The following PREP variants were observed in gnomAD, a reference collection of about 807,000 sequenced individuals.
The protein encoded by PREP is prolyl endopeptidase, also known as dJ355L5.1 (prolyl endopeptidase).
In PREP, 29 loss-of-function variants were observed where a neutral mutation model predicts 87.6. The observed-to-expected ratio is 0.33, with a 90% confidence interval of 0.25 to 0.45. PREP has a LOEUF of 0.45. Among genes scored for constraint, PREP ranks in the 20% least tolerant of loss-of-function variants. The pLI, the probability that PREP is intolerant of heterozygous loss-of-function variation, is 1.00. For synonymous variants in PREP, 337 were observed against 328.6 expected (o/e 1.03, Z -0.28); for missense variants, 695 against 886.5 (o/e 0.78, Z 2.74).
chr6:105,322,759 T>A lies in PREP; in HGVS notation c.1317+906A>T. 3 of 1,048,848 alleles carry A rather than the reference T, an allele frequency of 2.9e-6. No homozygotes were observed. The South Asian group carries it at 1.0e-4, about 36-fold the overall frequency. The allele number at this position is 1,048,848 out of a possible 1,614,324, so 65.0% of individuals were successfully genotyped here. On this transcript the variant is annotated intron_variant, in intron 10 of 14. Coordinates refer to ENST00000652536, the MANE Select transcript of PREP (RefSeq NM_002726.5). The stretch of plus-strand genomic sequence containing the variant: ...TGATAAATCATAGCTCTACACCAAA[T>A]CCAGCCCACCACCTGTTTTAGTAAA...
chr6:105,315,462 TGCCCAGCTAATTTA>T (rs1770842441), intron 10 of PREP, among the ~76,000 whole-genome samples: 1 of 152,210 alleles, frequency 6.6e-6, no homozygotes, highest in South Asian at 2.1e-4. Flanking sequence ...TGAGTCACTG[TGCCCAGCTAATTTA>T]GCACAATTCT....
intron 6 of PREP, among the ~76,000 whole-genome samples, chr6:105,356,759 A>G (rs1169176344): frequency 6.6e-6 from 1 of 152,216 alleles, no homozygotes; most frequent in Non-Finnish European, 1.5e-5. Context: ...TATTTTGCAT[A>G]GTTTCCTAGC....
intron 10 of PREP, among the ~76,000 whole-genome samples, chr6:105,303,216 C>T (rs1770581963): frequency 6.6e-6 from 1 of 152,082 alleles, no homozygotes; most frequent in South Asian, 2.1e-4. Context: ...AGGCATGCAC[C>T]ACCACATGCA....
At chr6:105,308,107 T>C (rs1472067894) in intron 10 of PREP, among the ~76,000 whole-genome samples, 1 of 151,948 alleles carries the variant, frequency 6.6e-6, no homozygotes, top group East Asian at 1.9e-4. Flanking sequence ...GAAGAAAACA[T>C]GCACATAAAC....
chr6:105,278,249 G>A lies in PREP; in HGVS notation c.2028C>T (p.Thr676=). ...GCTTCCCCGCCCCGTGGCCCGCCTT[G>A]GTGTCCACGTGGATAAGCAGGGGGT... The part of the protein sequence containing the change: ...QSNPLLIHVD[T]KAGHGAGKPT... Residue 676 remains threonine (T), a synonymous_variant, in exon 15 of 15, where the codon ACC becomes ACT. Transcript: ENST00000652536. This position sits in a 1 kb window ranked among gnomAD's most constrained non-coding sequence, Gnocchi z 4.2. 3 of 1,614,200 alleles carry A rather than the reference G, an allele frequency of 1.9e-6. No individual in the cohort carries two copies. Among genetic ancestry groups the A allele is most frequent in the Non-Finnish European group, 2.5e-6 (3 of 1,180,048 alleles).
At chr6:105,318,156 A>T (rs988885321) in intron 10 of PREP, among the ~76,000 whole-genome samples, 1 of 152,138 alleles carries the variant, frequency 6.6e-6, no homozygotes, top group Non-Finnish European at 1.5e-5. Context: ...TTTCCTTGAT[A>T]AAAAGGCCCT....
In PREP at chr6:105,368,913, C is replaced by G. The variant is rs775642485; in HGVS notation, c.707G>C (p.Gly236Ala). 6.2e-7 allele frequency: 1 copy of G among 1,614,010 alleles called. No individual in the cohort carries two copies. The highest frequency in any genetic ancestry group is 2.2e-5 in the East Asian group (1 of 44,854). Residue 236 changes from glycine to alanine, a missense_variant, in exon 6 of 15, where the codon GGT becomes GCT. Gly to Ala is a moderately conservative substitution (Grantham distance 60, BLOSUM62 0). Coordinates refer to ENST00000652536, the MANE Select transcript of PREP (RefSeq NM_002726.5). ...AEFPDEPKWMGGAELSDDGRY... is the reference protein window; with the variant it reads ...AEFPDEPKWMAGAELSDDGRY... ...ACAGCTGTACAATACCTCAGCTCCACCCATCCATTTAGGTTCATCAGGAAA... is the reference window on the plus strand; with the variant it reads ...ACAGCTGTACAATACCTCAGCTCCAGCCATCCATTTAGGTTCATCAGGAAA...
At chr6:105,284,261 G>A (rs1219374826) in intron 12 of PREP, among the ~76,000 whole-genome samples, 2 of 152,158 alleles carry the variant, frequency 1.3e-5, no homozygotes, top group Admixed American at 6.5e-5. Context: ...TGGCCGGCCA[G>A]GGGCACTCAC....
chr6:105,370,908 C>T (rs938984469), intron 5 of PREP, among the ~76,000 whole-genome samples: 4 of 152,228 alleles, frequency 2.6e-5, no homozygotes, highest in African/African-American at 9.6e-5. Context: ...TTTTTAGGGC[C>T]AGGGAAACTA....
At chr6:105,371,939 T>C (rs984155002) in intron 5 of PREP, among the ~76,000 whole-genome samples, 1 of 152,244 alleles carries the variant, frequency 6.6e-6, no homozygotes, top group Admixed American at 6.5e-5. Flanking sequence ...TGGCCAGTTA[T>C]ACTTTTTTTG....
intron 3 of PREP, 25 bp downstream of exon 3, chr6:105,377,361 G>C (rs1354256520): frequency 6.3e-7 from 1 of 1,574,982 alleles, no homozygotes; most frequent in South Asian, 1.2e-5. Context: ...AAAATAAAAA[G>C]GAAATTCAGT....
Position 105,278,322 on chromosome 6 carries a change from A to AACTT in PREP, c.1951_1954dup (p.Phe652Ter). 4 of 1,614,208 alleles carry AACTT rather than the reference A, an allele frequency of 2.5e-6. No homozygotes were observed. The highest frequency in any genetic ancestry group is 3.4e-6 in the Non-Finnish European group (4 of 1,180,038). On this transcript the variant is annotated stop_gained and frameshift_variant, in exon 15 of 15. Transcript: ENST00000652536. LOFTEE classifies it high-confidence loss of function. This position sits in a 1 kb window ranked among gnomAD's most constrained non-coding sequence, Gnocchi z 4.2. ...CACGATGTACTGAAGGGTGGCAATG[A>AACTT]ACTTCAGGGAGTGAAGCGGGACCAC...
intron 8 of PREP, among the ~76,000 whole-genome samples, chr6:105,332,068 C>T (rs1771349187): frequency 6.6e-6 from 1 of 152,116 alleles, no homozygotes; most frequent in Non-Finnish European, 1.5e-5. Flanking sequence ...AGCAGGCATG[C>T]AGTTGTCTTG....
chr6:105,297,813 A>C (rs1010830550), intron 10 of PREP, among the ~76,000 whole-genome samples: 1 of 152,192 alleles, frequency 6.6e-6, no homozygotes, highest in Admixed American at 6.5e-5. Flanking sequence ...TTCAACAAGG[A>C]GCCTGGACCT....
At chr6:105,389,870 T>G (rs749872434) in intron 2 of PREP, among the ~76,000 whole-genome samples, 3 of 152,108 alleles carry the variant, frequency 2.0e-5, no homozygotes, top group Admixed American at 6.6e-5. Flanking sequence ...CTTTTAAGGT[T>G]AACCCCAGAG....
At position 105,276,160 on chromosome 6, in the gene PREP, T is replaced by C. The variant is rs1413524469; in HGVS notation, c.*1984A>G. Among the ~76,000 whole-genome samples, 1 of 152,160 alleles carries C rather than the reference T, an allele frequency of 6.6e-6. No individual in the cohort carries two copies. Among genetic ancestry groups the C allele is most frequent in the East Asian group, 1.9e-4 (1 of 5,200 alleles). The stretch of plus-strand genomic sequence containing the variant: ...AGCTCCCCCTACTCCCCAAAATACC[T>C]TTAGTTGGTGGGATTAGTTGTCCTG... On this transcript the variant is annotated 3_prime_UTR_variant, in exon 15 of 15. Transcript: ENST00000652536.
chr6:105,367,470 G>A (rs1056758011), intron 6 of PREP, among the ~76,000 whole-genome samples: 1 of 152,046 alleles, frequency 6.6e-6, no homozygotes, highest in Non-Finnish European at 1.5e-5. Flanking sequence ...TCAGGAGATC[G>A]AGACCATCCC....
At chr6:105,357,550 C>G (rs1282736892) in intron 6 of PREP, among the ~76,000 whole-genome samples, 3 of 152,204 alleles carry the variant, frequency 2.0e-5, no homozygotes, top group Non-Finnish European at 2.9e-5. Context: ...CTAAAATTTG[C>G]TAAACTGAAA....
intron 10 of PREP, chr6:105,302,591 T>G: frequency 7.0e-6 from 3 of 430,928 alleles, no homozygotes; most frequent in Non-Finnish European, 1.4e-5. Flanking sequence ...CAGGGGCTTG[T>G]ACCTCTTGCC....
Sources: gnomAD v4.1 joint callset for allele counts (sites outside exome capture counted in the v4.1 genomes callset) on GRCh38, gnomAD v4.1.1 for gene constraint, Gnocchi (gnomAD v3.1) non-coding constraint, MANE v1.5 for transcripts, NCBI Gene and HGNC (gene_info 2026-07-23, HGNC 2026-07-21) for gene names.